CTNNA2: variants seen among roughly 807,000 people sequenced by gnomAD.
CTNNA2 encodes catenin alpha 2.
Under a neutral mutation model 101.0 loss-of-function variants are expected in CTNNA2, and 42 were observed. The observed-to-expected ratio is 0.42, with a 90% CI of 0.32 to 0.54. The LOEUF (loss-of-function observed/expected upper bound fraction) is 0.54, where lower values mean the gene tolerates loss of function less well. Among genes scored for constraint, CTNNA2 ranks in the 20% least tolerant of loss-of-function variants. The pLI, the probability that CTNNA2 is intolerant of heterozygous loss-of-function variation, is 0.14. For synonymous variants in CTNNA2, 450 were observed against 456.4 expected (o/e 0.99, Z 0.18); for missense variants, 871 against 1,223.1 (o/e 0.71, Z 4.29).
At chr2:80,272,983 G>A (rs1252551013) in intron 7 of CTNNA2, among the ~76,000 whole-genome samples, 1 of 152,118 alleles carries the variant, frequency 6.6e-6, no homozygotes, top group Non-Finnish European at 1.5e-5. Flanking sequence ...CTTTGGGCGT[G>A]CGTGAAAGGT....
At chr2:79,339,163 G>A (rs1355952649) in intron 3 of CTNNA2, among the ~76,000 whole-genome samples, 2 of 152,114 alleles carry the variant, frequency 1.3e-5, no homozygotes, top group African/African-American at 2.4e-5. Context: ...TGAGCCCTGA[G>A]AAGTTATAAC....
intron 1 of CTNNA2, among the ~76,000 whole-genome samples, chr2:79,626,028 G>A (rs1679279838): frequency 6.6e-6 from 1 of 152,172 alleles, no homozygotes; most frequent in Non-Finnish European, 1.5e-5. Context: ...GGTTGTAGGT[G>A]TGTGTTAGGA....
intron 3 of CTNNA2, among the ~76,000 whole-genome samples, chr2:79,316,725 T>C (rs747598380): frequency 2.0e-5 from 3 of 151,908 alleles, no homozygotes; most frequent in African/African-American, 4.8e-5. Flanking sequence ...TTTTCATCTC[T>C]AGTATAAAGA....
intron 1 of CTNNA2, among the ~76,000 whole-genome samples, chr2:79,553,165 C>T (rs1161714843): frequency 2.0e-5 from 3 of 152,106 alleles, no homozygotes; most frequent in African/African-American, 7.2e-5. Flanking sequence ...GAAATTTCTT[C>T]CCCCTCATAC....
intron 7 of CTNNA2, among the ~76,000 whole-genome samples, chr2:80,097,231 G>C (rs960688640): frequency 3.9e-5 from 6 of 152,056 alleles, no homozygotes; most frequent in Non-Finnish European, 8.8e-5. Flanking sequence ...GCATTTGCTT[G>C]TCTGTGAAGT....
intron 3 of CTNNA2, among the ~76,000 whole-genome samples, chr2:79,856,788 G>T (rs140586124): frequency 6.6e-6 from 1 of 152,022 alleles, no homozygotes; most frequent in African/African-American, 2.4e-5. Context: ...CCCTTAGATC[G>T]GTTGGTTGTG....
intron 4 of CTNNA2, among the ~76,000 whole-genome samples, chr2:79,483,930 T>C (rs1228349405): frequency 6.6e-6 from 1 of 152,172 alleles, no homozygotes; most frequent in Non-Finnish European, 1.5e-5. Context: ...ATTTTGAATA[T>C]CAACATAAGA....
intron 7 of CTNNA2, among the ~76,000 whole-genome samples, chr2:79,973,864 A>G (rs1690657110): frequency 1.3e-5 from 2 of 152,230 alleles, no homozygotes; most frequent in East Asian, 3.8e-4. Context: ...AGTACCTGAT[A>G]GTCCAGAAGT....
At chr2:79,877,633 A>C (rs1266650608) in intron 6 of CTNNA2, among the ~76,000 whole-genome samples, 1 of 152,152 alleles carries the variant, frequency 6.6e-6, no homozygotes, top group Non-Finnish European at 1.5e-5. Flanking sequence ...ATATTAAACA[A>C]ATTGATATTT....
intron 2 of CTNNA2, among the ~76,000 whole-genome samples, chr2:79,285,739 G>A (rs1410185687): frequency 2.1e-5 from 3 of 140,932 alleles, no homozygotes; most frequent in Admixed American, 7.0e-5. Context: ...TGTTGATTTG[G>A]GGTGGAGAGT....
intron 7 of CTNNA2, among the ~76,000 whole-genome samples, chr2:80,348,962 C>T (rs1319138117): frequency 6.6e-6 from 1 of 152,094 alleles, no homozygotes; most frequent in African/African-American, 2.4e-5. Flanking sequence ...AAAAGTACTA[C>T]TATCAGAAAT....
At chr2:80,035,681 AAAT>A (rs1295776505) in intron 7 of CTNNA2, among the ~76,000 whole-genome samples, 1 of 152,240 alleles carries the variant, frequency 6.6e-6, no homozygotes, top group Non-Finnish European at 1.5e-5. Context: ...TATCTTTAAA[AAAT>A]AAAAAAAAGA....
At chr2:79,491,522 G>C (rs754632434) in intron 4 of CTNNA2, among the ~76,000 whole-genome samples, 2 of 152,086 alleles carry the variant, frequency 1.3e-5, no homozygotes, top group Non-Finnish European at 2.9e-5. Flanking sequence ...CTGGGAATTG[G>C]GCCTTTAAAC....
At chr2:80,472,143 A>T (rs569582937) in intron 9 of CTNNA2, among the ~76,000 whole-genome samples, 1 of 151,810 alleles carries the variant, frequency 6.6e-6, no homozygotes, top group East Asian at 1.9e-4. Flanking sequence ...GTTAGAAAAT[A>T]TGCAGAACTA....
intron 7 of CTNNA2, among the ~76,000 whole-genome samples, chr2:80,092,177 C>T (rs1304445161): frequency 1.3e-5 from 2 of 152,076 alleles, no homozygotes; most frequent in Non-Finnish European, 2.9e-5. Flanking sequence ...TTGGGTTTCT[C>T]CTCTGGAGAC....
At chr2:80,630,879 C>T (rs181992012) in intron 18 of CTNNA2, among the ~76,000 whole-genome samples, 1 of 152,014 alleles carries the variant, frequency 6.6e-6, no homozygotes, top group Non-Finnish European at 1.5e-5. Context: ...CCCTTCAAAC[C>T]AAGCAAGTTG....
At chr2:79,497,973 G>A (rs2103797689) in intron 4 of CTNNA2, 1 of 152,244 alleles carries the variant, frequency 6.6e-6, no homozygotes, top group African/African-American at 2.4e-5. Context: ...TATTTTTGTT[G>A]TTTTTTAGTT....
chr2:79,286,472 T>G (rs1282329841), intron 2 of CTNNA2, among the ~76,000 whole-genome samples: 1 of 151,886 alleles, frequency 6.6e-6, no homozygotes, highest in Non-Finnish European at 1.5e-5. Flanking sequence ...CTCTCAGCAT[T>G]TGCTTGTCTG....
intron 3 of CTNNA2, among the ~76,000 whole-genome samples, chr2:79,750,202 G>C (rs1671924652): frequency 6.6e-6 from 1 of 152,208 alleles, no homozygotes; most frequent in Non-Finnish European, 1.5e-5. Context: ...AACGTTTTCA[G>C]TGTTTACCAC....
Sources: allele counts gnomAD v4.1 joint callset (sites outside exome capture counted in the v4.1 genomes callset), GRCh38; gene constraint gnomAD v4.1.1; transcripts MANE v1.5; gene names NCBI Gene and HGNC (gene_info 2026-07-23, HGNC 2026-07-21).